NFU1: variants seen among roughly 807,000 people sequenced by gnomAD.
NFU1 encodes NFU1 iron-sulfur cluster scaffold.
NFU1 carries 30 observed loss-of-function variants against 32.2 expected under a neutral mutation model. That is an observed-to-expected ratio of 0.93 (90% CI 0.70 to 1.26). NFU1 has a LOEUF of 1.26. Ranked by LOEUF, NFU1 falls within the 50% of genes most tolerant of loss-of-function variation. NFU1 has a pLI of 0.00. For missense variants in NFU1, 306 were observed against 306.6 expected, an observed-to-expected ratio of 1.00 and a Z score of 0.02; for synonymous variants, 112 against 104.6, an observed-to-expected ratio of 1.07 and a Z score of -0.43.
rs1673651402 is a variant in NFU1, at chr2:69,431,906, G to A, written c.162C>T (p.His54=). 6.2e-7 allele frequency: 1 copy of A among 1,602,824 alleles called. No individual in the cohort carries two copies. The highest frequency in any genetic ancestry group is 1.1e-5 in the South Asian group (1 of 90,810). ...ATAAAAGAGGTGAAATTTTACCTGG[G>A]TGATAAAAGGCTGCAGGTAGTGGGA... ...PLFPLPAAFY[H]PVRYMFIQTQ... Residue 54 remains histidine (H), a synonymous_variant, in exon 2 of 8, where the codon CAC becomes CAT. Coordinates refer to ENST00000410022, the MANE Select transcript of NFU1 (RefSeq NM_001002755.4).
At chr2:69,417,512 C>T (rs1018002610) in intron 4 of NFU1, among the ~76,000 whole-genome samples, 1 of 151,114 alleles carries the variant, frequency 6.6e-6, no homozygotes, top group Non-Finnish European at 1.5e-5. Context: ...ATTAGCTGGG[C>T]ATAGTGGCAT....
chr2:69,439,539 A>G (rs943810835), upstream of NFU1, among the ~76,000 whole-genome samples: 1 of 152,226 alleles, frequency 6.6e-6, no homozygotes, highest in Non-Finnish European at 1.5e-5. Flanking sequence ...AAGCTTTCAT[A>G]ACATGGAAGG....
intron 4 of NFU1, chr2:69,416,294 T>C (rs1354276001): frequency 4.2e-5 from 6 of 143,476 alleles, no homozygotes; most frequent in Non-Finnish European, 6.0e-5. Flanking sequence ...TTATTATTAT[T>C]AATAATATAA....
chr2:69,405,064 TG>T (rs1271667952), intron 6 of NFU1, among the ~76,000 whole-genome samples: 1 of 151,856 alleles, frequency 6.6e-6, no homozygotes, highest in Non-Finnish European at 1.5e-5. Flanking sequence ...CTGGCCAACA[TG>T]GTGAAACCCT....
At chr2:69,439,094 CTT>C (rs749739515), upstream of NFU1, among the ~76,000 whole-genome samples, 16 of 152,212 alleles carry the variant, frequency 1.1e-4, no homozygotes, top group Non-Finnish European at 2.2e-4. Context: ...CTTCCACACT[CTT>C]TTCTTCCCTT....
At position 69,400,533 on chromosome 2, in the gene NFU1, G is replaced by C; in HGVS notation, c.551C>G (p.Thr184Ser). Reference sequence around the variant, plus strand: ...TACATCCCCTCCATCTTCCTGCACAGTTGGCCTGTGAGGTCAAAGAATATT... The same window carrying C: ...TACATCCCCTCCATCTTCCTGCACACTTGGCCTGTGAGGTCAAAGAATATT... Reference protein sequence around the residue: ...KELLDTRIRPTVQEDGGDVIY... With the variant: ...KELLDTRIRPSVQEDGGDVIY... Residue 184 changes from threonine to serine, a missense_variant, in exon 7 of 8, where the codon ACT becomes AGT. By Grantham distance (58) the Thr-to-Ser change is moderately conservative. Transcript: ENST00000410022. 1 of 1,613,868 alleles carries C rather than the reference G, an allele frequency of 6.2e-7. No individual in the cohort carries two copies. Among genetic ancestry groups the C allele is most frequent in the East Asian group, 2.2e-5 (1 of 44,876 alleles).
At position 69,419,707 on chromosome 2, in the gene NFU1, T is replaced by C. The variant is rs1673178730; in HGVS notation, c.303-103A>G. On this transcript the variant is annotated intron_variant, in intron 3 of 7. Coordinates refer to ENST00000410022, the MANE Select transcript of NFU1 (RefSeq NM_001002755.4). Reference sequence around the variant, plus strand: ...AGTAAAAAATTCTCCACATATCCTTTGCAGCTTTAACAATGATCAACTCAT... The same window carrying C: ...AGTAAAAAATTCTCCACATATCCTTCGCAGCTTTAACAATGATCAACTCAT... 4.4e-5 allele frequency: 32 copies of C among 729,026 alleles called. No individual in the cohort carries two copies. The South Asian group carries it at 5.0e-4, about 11-fold the overall frequency. 45.2% of individuals were successfully genotyped at this position (729,026 alleles called of 1,614,324 possible).
At chr2:69,417,906 T>C (rs998329534) in intron 4 of NFU1, among the ~76,000 whole-genome samples, 12 of 150,554 alleles carry the variant, frequency 8.0e-5, no homozygotes, top group African/African-American at 2.9e-4. Flanking sequence ...TTTTTACCTA[T>C]AAAAATTTTT....
At chr2:69,396,973 A>G (rs6739302) in intron 7 of NFU1, among the ~76,000 whole-genome samples, 99,970 of 151,506 alleles carry the variant, frequency 0.66, 34,407 homozygotes, top group African/African-American at 0.87. Context: ...CCGGGAGACT[A>G]AGGCAGGAGA....
At chr2:69,437,436 GC>G (rs1673889527), upstream of NFU1, 1 of 1,609,954 alleles carries the variant, frequency 6.2e-7, no homozygotes, top group Non-Finnish European at 8.5e-7. Context: ...AGTCCGGAGT[GC>G]CTAAGGGTCT....
At chr2:69,399,336 T>A in intron 7 of NFU1, 4 of 455,412 alleles carry the variant, frequency 8.8e-6, no homozygotes, top group South Asian at 6.2e-5. Context: ...TGAGAATCAC[T>A]GCAGTGAGAC....
rs1279585557 is a variant in NFU1 at position 69,423,586 on chromosome 2, C to A, written c.298G>T (p.Ala100Ser). ...TPAAAFRSPL[A>S]RQLFRIEGVK... ...CAAATGAAAACAGTAATATACCTAG[C>A]CAGAGGGGAGCGAAATGCTGCAGCT... The change falls in exon 3 of 8, where the codon GCT becomes TCT. Residue 100 changes from alanine to serine, a missense_variant. Physicochemically the swap from Ala to Ser is moderately conservative, Grantham distance 99 (BLOSUM62 1). Coordinates refer to ENST00000410022, the MANE Select transcript of NFU1 (RefSeq NM_001002755.4). 1 of 1,613,250 alleles carries A rather than the reference C, an allele frequency of 6.2e-7. No individual in the cohort carries two copies. Among genetic ancestry groups the A allele is most frequent in the Middle Eastern group, 1.8e-4 (1 of 5,658 alleles).
Position 69,400,632 on chromosome 2 carries a change from G to C in NFU1, c.546-94C>G, listed in dbSNP as rs552577247. The C allele has an allele frequency of 6.2e-4, 658 of 1,058,032 alleles. 4 individuals carry two copies. In the African/African-American group the frequency reaches 9.5e-3, roughly 15 times the overall value. The allele number at this position is 1,058,032 out of a possible 1,614,324, so 65.5% of individuals were successfully genotyped here. ...AGCTCAGAGCTTAAATTTTATATTA[G>C]TAAAATTCACAAAGTTAGAGCTACT... On this transcript the variant is annotated intron_variant, in intron 6 of 7. Coordinates refer to ENST00000410022, the MANE Select transcript of NFU1 (RefSeq NM_001002755.4).
Position 69,400,467 on chromosome 2 carries a change from A to C in NFU1, c.617T>G (p.Leu206Arg), listed in dbSNP as rs1348053487. Reference protein sequence around the residue: ...GFEDGIVQLKLQGSCTSCPSS... With the variant: ...GFEDGIVQLKRQGSCTSCPSS... ...AGGGCAGCTGGTACAAGAACCCTGG[A>C]GTTTCAGCTGTACAATGCCATCTTC... Residue 206 changes from leucine (L) to arginine (R), a missense_variant, in exon 7 of 8, where the codon CTC (leucine) becomes CGC (arginine). Leu to Arg is a moderately radical substitution (Grantham distance 102). Coordinates refer to ENST00000410022, the MANE Select transcript of NFU1 (RefSeq NM_001002755.4). 1.2e-6 allele frequency: 2 copies of C among 1,613,996 alleles called. No individual in the cohort carries two copies. The highest frequency in any genetic ancestry group is 4.5e-5 in the East Asian group (2 of 44,894).
Position 69,396,238 on chromosome 2 carries a change from A to G in NFU1, c.*8T>C. On this transcript the variant is annotated 3_prime_UTR_variant, in exon 8 of 8. Transcript: ENST00000410022. ...TGACTGTTATGCCCAAAGAAAATCC[A>G]GATTATTTTAAGGTGAGTTTGCTTC... 5 of 1,609,658 alleles carry G rather than the reference A, an allele frequency of 3.1e-6. No homozygotes were observed. The highest frequency in any genetic ancestry group is 1.1e-5 in the South Asian group (1 of 90,860).
intron 6 of NFU1, among the ~76,000 whole-genome samples, chr2:69,402,513 G>A (rs1672555454): frequency 6.6e-6 from 1 of 152,190 alleles, no homozygotes; most frequent in South Asian, 2.1e-4. Flanking sequence ...TTCTGATGAA[G>A]AGACAGTCAC....
At chr2:69,426,889 A>C (rs1673473468) in intron 2 of NFU1, among the ~76,000 whole-genome samples, 1 of 150,824 alleles carries the variant, frequency 6.6e-6, no homozygotes, top group African/African-American at 2.4e-5. Context: ...CAACATGGTG[A>C]AACCCCGTCT....
chr2:69,406,670 A>G (rs1369199658), intron 5 of NFU1, among the ~76,000 whole-genome samples: 2 of 152,126 alleles, frequency 1.3e-5, no homozygotes, highest in African/African-American at 2.4e-5. Context: ...TCCTGGGCTC[A>G]AGCAGTCCTC....
upstream of NFU1, among the ~76,000 whole-genome samples, chr2:69,438,948 G>A (rs1257486593): frequency 1.5e-5 from 2 of 136,374 alleles, no homozygotes; most frequent in East Asian, 4.3e-4. Flanking sequence ...GGCAGTCCAA[G>A]GCTCTGTTTT....
Sources: gnomAD v4.1 joint callset for allele counts (sites outside exome capture counted in the v4.1 genomes callset) on GRCh38, gnomAD v4.1.1 for gene constraint, MANE v1.5 for transcripts, NCBI Gene and HGNC (gene_info 2026-07-23, HGNC 2026-07-21) for gene names.